The following FRK variants were observed in gnomAD, a reference collection of about 807,000 sequenced individuals.
FRK encodes the protein fyn related Src family tyrosine kinase.
A neutral mutation model predicts 56.4 loss-of-function variants in FRK; 51 were observed. The observed-to-expected ratio is 0.90, with a 90% CI of 0.72 to 1.14. The LOEUF (loss-of-function observed/expected upper bound fraction) is 1.14, where lower values mean the gene tolerates loss of function less well. FRK is among the 50% of genes most tolerant of loss of function. The pLI is 0.00. For missense variants in FRK, 570 were observed against 601.4 expected, an observed-to-expected ratio of 0.95 and a Z score of 0.55; for synonymous variants, 245 against 217.9, an observed-to-expected ratio of 1.12 and a Z score of -1.10.
rs80179053 is a variant in FRK, at chr6:116,033,735, G to A, written c.344+26233C>T. Among the ~76,000 whole-genome samples the A allele has an allele frequency of 7.9e-3, 1,210 of 152,216 alleles. 14 individuals carry two copies. Among genetic ancestry groups the A allele is most frequent in the African/African-American group, 0.027 (1,127 of 41,550 alleles). On this transcript the variant is annotated intron_variant, in intron 1 of 7. Coordinates refer to ENST00000606080, the MANE Select transcript of FRK (RefSeq NM_002031.3). ...ACTCTAAGTCAGAGAGAAAACTGCT[G>A]GAGGATTTTGAACAGAGAAGTAATT... is the stretch of plus-strand genomic sequence containing the variant.
chr6:116,073,185 T>C, the FRK span, among the ~76,000 whole-genome samples: 3 of 152,154 alleles, frequency 2.0e-5, no homozygotes, highest in Non-Finnish European at 2.9e-5. Context: ...ACACTCAATT[T>C]CTTTATTCAG....
chr6:116,096,851 C>T, the FRK span, among the ~76,000 whole-genome samples: 2 of 152,248 alleles, frequency 1.3e-5, no homozygotes, highest in African/African-American at 4.8e-5. Context: ...CTCTTTGGGT[C>T]CATGCCACCT....
At chr6:115,949,908 C>A (rs1472805266) in intron 5 of FRK, among the ~76,000 whole-genome samples, 3 of 152,258 alleles carry the variant, frequency 2.0e-5, no homozygotes, top group African/African-American at 7.2e-5. Context: ...CTTTGACAAA[C>A]CTTACAAAAA....
At chr6:116,036,252 C>A (rs1360695455) in intron 1 of FRK, among the ~76,000 whole-genome samples, 1 of 152,136 alleles carries the variant, frequency 6.6e-6, no homozygotes, top group Non-Finnish European at 1.5e-5. Context: ...TTCCCTCCAC[C>A]TCCATCTTTC....
In FRK at chr6:115,958,771, G is replaced by T. The variant is rs544558740; in HGVS notation, c.800-2161C>A. On this transcript the variant is annotated intron_variant, in intron 4 of 7. Transcript: ENST00000606080. ...AGAAAGAAAGAAAGAAAGAAAGAGG[G>T]GGGGGAAGGAGAGAGAGAAAGAAAG... Among the ~76,000 whole-genome samples the T allele has an allele frequency of 3.2e-4, 23 of 72,190 alleles. 2 individuals carry two copies. Among genetic ancestry groups the T allele is most frequent in the African/African-American group, 1.1e-3 (21 of 18,682 alleles). 47.4% of individuals were successfully genotyped at this position (72,190 alleles called of 152,430 possible). A position where few individuals can be genotyped will look rare whatever the true frequency, so the allele number is the denominator to read the frequency against.
the FRK span, among the ~76,000 whole-genome samples, chr6:116,099,184 G>A: frequency 6.6e-6 from 1 of 152,054 alleles, no homozygotes; most frequent in Non-Finnish European, 1.5e-5. Context: ...TCAATTTCCT[G>A]TTCACAATTC....
chr6:115,944,540 G>T, intron 5 of FRK, 115 bp from the exon 6 acceptor site: 1 of 689,280 alleles, frequency 1.5e-6, no homozygotes, highest in Non-Finnish European at 2.4e-6. Context: ...CAATGGCACT[G>T]ATCTGTTGAG....
intron 1 of FRK, among the ~76,000 whole-genome samples, chr6:116,016,436 T>C (rs544507350): frequency 6.6e-6 from 1 of 152,246 alleles, no homozygotes; most frequent in Non-Finnish European, 1.5e-5. Flanking sequence ...CCAGAGAATA[T>C]GTACATCTTT....
At chr6:116,022,923 C>A (rs958011919) in intron 1 of FRK, among the ~76,000 whole-genome samples, 1 of 152,112 alleles carries the variant, frequency 6.6e-6, no homozygotes, top group African/African-American at 2.4e-5. Flanking sequence ...GTAACCCATA[C>A]TCAGGCAAAA....
At chr6:116,019,786 T>A (rs1582720534) in intron 1 of FRK, among the ~76,000 whole-genome samples, 1 of 152,302 alleles carries the variant, frequency 6.6e-6, no homozygotes, top group East Asian at 1.9e-4. Flanking sequence ...TGTCCTCAAA[T>A]AATAATACCA....
chr6:116,085,066 T>C, the FRK span, among the ~76,000 whole-genome samples: 1 of 152,086 alleles, frequency 6.6e-6, no homozygotes, highest in South Asian at 2.1e-4. Flanking sequence ...TTATGAAGGA[T>C]GTGTGAAAGC....
chr6:115,960,052 C>T (rs933326214), intron 4 of FRK, among the ~76,000 whole-genome samples: 2 of 152,046 alleles, frequency 1.3e-5, no homozygotes, highest in Non-Finnish European at 2.9e-5. Flanking sequence ...CCAAGATGGC[C>T]GAATAGGAAC....
chr6:116,028,010 G>A (rs769587546), intron 1 of FRK, among the ~76,000 whole-genome samples: 2 of 151,968 alleles, frequency 1.3e-5, no homozygotes, highest in African/African-American at 4.8e-5. Flanking sequence ...CTATATGGTA[G>A]GTAGAAACTG....
chr6:116,049,117 T>C (rs76745252), intron 1 of FRK, among the ~76,000 whole-genome samples: 3,747 of 152,282 alleles, frequency 0.025, 150 homozygotes, highest in African/African-American at 0.084. Context: ...CGTAGTCTTT[T>C]CAAAGCCCTG....
At chr6:116,028,828 T>G (rs1776195169) in intron 1 of FRK, among the ~76,000 whole-genome samples, 1 of 152,102 alleles carries the variant, frequency 6.6e-6, no homozygotes, top group African/African-American at 2.4e-5. Flanking sequence ...CATAAAGACT[T>G]TGGGGGGACA....
chr6:116,071,742 T>G, the FRK span, among the ~76,000 whole-genome samples: 3 of 152,310 alleles, frequency 2.0e-5, no homozygotes, highest in South Asian at 6.2e-4. Context: ...TTTATTGAGC[T>G]CCTGTGTGTC....
At chr6:116,082,401 G>GC in the FRK span, among the ~76,000 whole-genome samples, 1 of 152,118 alleles carries the variant, frequency 6.6e-6, no homozygotes, top group Non-Finnish European at 1.5e-5. Context: ...GAGGGATGAG[G>GC]GTAGAAGTAG....
At chr6:115,958,644 A>AAAG (rs1554225741) in intron 4 of FRK, among the ~76,000 whole-genome samples, 280 of 3,784 alleles carry the variant, frequency 0.074, 27 homozygotes, top group Middle Eastern at 0.25. Context: ...GGAAAGAAAG[A>AAAG]AAAGAAAGAA....
chr6:115,960,033 G>C (rs1773265335), intron 4 of FRK, among the ~76,000 whole-genome samples: 1 of 152,172 alleles, frequency 6.6e-6, no homozygotes, highest in Non-Finnish European at 1.5e-5. Flanking sequence ...TATTTATCTA[G>C]GGGAGGAGCC....
Sources: allele counts gnomAD v4.1 joint callset (sites outside exome capture counted in the v4.1 genomes callset), GRCh38; gene constraint gnomAD v4.1.1; transcripts MANE v1.5; gene names NCBI Gene and HGNC (gene_info 2026-07-23, HGNC 2026-07-21).